The following CFAP77 variants were observed in gnomAD, a reference collection of about 807,000 sequenced individuals.
CFAP77 encodes cilia- and flagella-associated protein 77.
CFAP77 carries 25 observed loss-of-function variants against 31.1 expected under a neutral mutation model. That is an observed-to-expected ratio of 0.80 (90% confidence interval 0.59 to 1.12). The LOEUF is 1.12. Ranked by LOEUF, CFAP77 falls within the 50% of genes most tolerant of loss-of-function variation. The probability of loss-of-function intolerance (pLI) is 0.00; values close to 1 mark genes in which losing one functional copy is unlikely to be tolerated. For missense variants in CFAP77, 377 were observed against 397.3 expected (o/e 0.95, Z 0.44); for synonymous variants, 151 against 159.9 (o/e 0.94, Z 0.42).
chr9:132,446,915 T>C (rs1469074073), intron 1 of CFAP77, among the ~76,000 whole-genome samples: 1 of 152,058 alleles, frequency 6.6e-6, no homozygotes, highest in Non-Finnish European at 1.5e-5. Context: ...TAAAATTAAT[T>C]TTAAAAATAA....
chr9:132,503,026 C>G (rs759870662), intron 3 of CFAP77, among the ~76,000 whole-genome samples: 3 of 152,172 alleles, frequency 2.0e-5, no homozygotes, highest in Non-Finnish European at 4.4e-5. Context: ...GGTAAGTTTT[C>G]CCACCTCTCG....
intron 1 of CFAP77, among the ~76,000 whole-genome samples, chr9:132,459,790 ATG>A (rs752692236): frequency 3.8e-4 from 55 of 146,164 alleles, no homozygotes; most frequent in Non-Finnish European, 6.6e-4. Context: ...GCGTGTGTGT[ATG>A]TGAGAGCGAT....
intron 1 of CFAP77, among the ~76,000 whole-genome samples, chr9:132,440,982 T>A (rs567810491): frequency 6.6e-6 from 1 of 152,182 alleles, no homozygotes; most frequent in African/African-American, 2.4e-5. Context: ...TGAGTGACAG[T>A]CTAGCCTCCT....
chr9:132,461,296 A>C (rs1354145654), intron 1 of CFAP77, among the ~76,000 whole-genome samples: 1 of 152,234 alleles, frequency 6.6e-6, no homozygotes, highest in Admixed American at 6.5e-5. Context: ...GCATTGGACG[A>C]GGTGTGTGGC....
At chr9:132,461,183 C>T (rs1851044074) in intron 1 of CFAP77, among the ~76,000 whole-genome samples, 2 of 152,236 alleles carry the variant, frequency 1.3e-5, no homozygotes, top group African/African-American at 4.8e-5. Context: ...GTAACAGTGA[C>T]ACAACTCACC....
chr9:132,491,519 CAA>C, intron 1 of CFAP77, among the ~76,000 whole-genome samples: 1 of 152,272 alleles, frequency 6.6e-6, no homozygotes, highest in African/African-American at 2.4e-5. Context: ...CGACTGTGGA[CAA>C]AGTGTAGAAA....
At position 132,499,338 on chromosome 9, in the gene CFAP77, G is replaced by A. The variant is rs568005934; in HGVS notation, c.296-34G>A. 3.7e-6 allele frequency: 6 copies of A among 1,601,320 alleles called. No homozygotes were observed. Among genetic ancestry groups the A allele is most frequent in the Non-Finnish European group, 5.1e-6 (6 of 1,170,408 alleles). On this transcript the variant is annotated intron_variant, in intron 2 of 5. Coordinates refer to ENST00000393216, the MANE Select transcript of CFAP77 (RefSeq NM_001282957.2). This position sits in a 1 kb window ranked among gnomAD's most constrained non-coding sequence, Gnocchi z 5.4. ...GCCTCAGGGTGCTTACTCCCAGGCT[G>A]ACCACTGCCCCGTGGGTCTCTCCCT...
chr9:132,453,730 G>A (rs1850869582), intron 1 of CFAP77, among the ~76,000 whole-genome samples: 1 of 152,210 alleles, frequency 6.6e-6, no homozygotes, highest in South Asian at 2.1e-4. Flanking sequence ...GCCCACTCTT[G>A]TAGCAATTCT....
intron 3 of CFAP77, among the ~76,000 whole-genome samples, chr9:132,508,458 G>C (rs186422602): frequency 6.6e-6 from 1 of 152,166 alleles, no homozygotes; most frequent in South Asian, 2.1e-4. Flanking sequence ...GGGCGGGAGA[G>C]GGGGAGGGTG....
chr9:132,502,519 A>G (rs182331848), intron 3 of CFAP77, among the ~76,000 whole-genome samples: 12 of 151,910 alleles, frequency 7.9e-5, no homozygotes, highest in African/African-American at 2.9e-4. Flanking sequence ...CCACCATTCT[A>G]CTTTCTGTTC....
At chr9:132,542,884 C>T (rs1420123174) in intron 4 of CFAP77, 62 bp from the exon 5 acceptor site, 1 of 1,312,422 alleles carries the variant, frequency 7.6e-7, no homozygotes, top group East Asian at 2.3e-5. Context: ...TATATCCCTT[C>T]AGCACGGCCT....
intron 3 of CFAP77, among the ~76,000 whole-genome samples, chr9:132,500,158 A>G (rs1589889402): frequency 6.6e-6 from 1 of 151,824 alleles, no homozygotes; most frequent in South Asian, 2.1e-4. Flanking sequence ...TCTCCAAAAA[A>G]AAAAAAAAAA....
At chr9:132,492,242 C>A (rs539853723) in intron 1 of CFAP77, among the ~76,000 whole-genome samples, 11 of 152,092 alleles carry the variant, frequency 7.2e-5, no homozygotes, top group Non-Finnish European at 1.3e-4. Context: ...AAGCTGTGAT[C>A]GTGCCCCTGC....
In CFAP77 at chr9:132,554,669, C is replaced by T. The variant is rs1027650972; in HGVS notation, c.732+11622C>T. On this transcript the variant is annotated intron_variant, in intron 5 of 5. Coordinates refer to ENST00000393216, the MANE Select transcript of CFAP77 (RefSeq NM_001282957.2). The surrounding 1 kb of genome is among the most constrained non-coding windows in gnomAD (Gnocchi z 4.1). ...ACCTTGTTTCACCTTGCGTGCAATCCGCCAGATACCTTCAAATCACTTGGA... is the reference window on the plus strand; with the variant it reads ...ACCTTGTTTCACCTTGCGTGCAATCTGCCAGATACCTTCAAATCACTTGGA... 2.6e-5 allele frequency among the ~76,000 whole-genome samples: 4 copies of T among 152,264 alleles called. No homozygotes were observed. The highest frequency in any genetic ancestry group is 6.5e-5 in the Admixed American group (1 of 15,288).
intron 3 of CFAP77, among the ~76,000 whole-genome samples, chr9:132,526,004 G>C (rs1852353599): frequency 6.6e-6 from 1 of 152,126 alleles, no homozygotes; most frequent in Non-Finnish European, 1.5e-5. Context: ...ATTCATTGAA[G>C]GATGTTTTTG....
chr9:132,493,985 C>T (rs1214794324), intron 1 of CFAP77, among the ~76,000 whole-genome samples: 1 of 151,872 alleles, frequency 6.6e-6, no homozygotes, highest in Non-Finnish European at 1.5e-5. Context: ...AATCATGGCT[C>T]ACTGCAGCCT....
At chr9:132,461,066 A>T (rs1311938731) in intron 1 of CFAP77, among the ~76,000 whole-genome samples, 2 of 151,718 alleles carry the variant, frequency 1.3e-5, no homozygotes, top group African/African-American at 2.4e-5. Flanking sequence ...CACCTAAATT[A>T]AAAAAAAATT....
chr9:132,464,145 T>G (rs150813025), intron 1 of CFAP77, among the ~76,000 whole-genome samples: 204 of 152,210 alleles, frequency 1.3e-3, no homozygotes, highest in Non-Finnish European at 2.4e-3. Flanking sequence ...AAATGGCACC[T>G]AAAACCACTG....
In CFAP77 at chr9:132,455,010, CA is replaced by C. The variant is rs11325678; in HGVS notation, c.196-43676del. ...CATCACAAAATGTCATAACATCCTACAAAAAAAAAGAAAGAAAAGGCAATAA... is the reference window on the plus strand; with the variant it reads ...CATCACAAAATGTCATAACATCCTACAAAAAAAAGAAAGAAAAGGCAATAA... On this transcript the variant is annotated intron_variant, in intron 1 of 5. Transcript: ENST00000393216. The surrounding 1 kb of genome is among the most constrained non-coding windows in gnomAD (Gnocchi z 4.1). 0.36 allele frequency among the ~76,000 whole-genome samples: 55,069 copies of C among 151,276 alleles called. 9,935 individuals carry two copies. The highest frequency in any genetic ancestry group is 0.41 in the Admixed American group (6,305 of 15,212).
Sources: gnomAD v4.1 joint callset for allele counts (sites outside exome capture counted in the v4.1 genomes callset) on GRCh38, gnomAD v4.1.1 for gene constraint, Gnocchi (gnomAD v3.1) non-coding constraint, MANE v1.5 for transcripts, NCBI Gene and HGNC (gene_info 2026-07-23, HGNC 2026-07-21) for gene names.